Variants in KAZN observed in about 807,000 individuals in gnomAD.
KAZN encodes kazrin, periplakin interacting protein.
Under a neutral mutation model 87.4 loss-of-function variants are expected in KAZN, and 40 were observed. The ratio of observed to expected loss-of-function variants is 0.46; its 90% CI spans 0.36 to 0.60. The LOEUF is 0.60. Among genes scored for constraint, KAZN ranks in the 20% least tolerant of loss-of-function variants. KAZN has a pLI of 0.00. For synonymous variants in KAZN, 466 were observed against 458.3 expected (o/e 1.02, Z -0.22); for missense variants, 898 against 1,073.9 (o/e 0.84, Z 2.29).
At chr1:14,173,501 C>T (rs1319521732) in intron 1 of KAZN, among the ~76,000 whole-genome samples, 2 of 152,160 alleles carry the variant, frequency 1.3e-5, no homozygotes, top group African/African-American at 2.4e-5. Flanking sequence ...TACCAGTCTA[C>T]CAATCCCAAT....
intron 1 of KAZN, among the ~76,000 whole-genome samples, chr1:14,657,705 T>C (rs1260222193): frequency 1.3e-5 from 2 of 152,092 alleles, no homozygotes; most frequent in Non-Finnish European, 2.9e-5. Flanking sequence ...TGAGTTAAGC[T>C]CCTTGAGACA....
intron 2 of KAZN, among the ~76,000 whole-genome samples, chr1:14,524,389 G>A (rs984402574): frequency 6.6e-5 from 10 of 152,034 alleles, no homozygotes; most frequent in Non-Finnish European, 1.2e-4. Flanking sequence ...GGGGTCTGGA[G>A]CCAATGACCC....
intron 2 of KAZN, among the ~76,000 whole-genome samples, chr1:14,998,272 C>T (rs1272660935): frequency 6.6e-6 from 1 of 152,166 alleles, no homozygotes; most frequent in Non-Finnish European, 1.5e-5. Flanking sequence ...TTTGGGAATC[C>T]GCTGCAATAT....
intron 13 of KAZN, among the ~76,000 whole-genome samples, chr1:15,106,292 AAAAC>A (rs1384116174): frequency 6.6e-6 from 1 of 152,178 alleles, no homozygotes. Context: ...ACAAAACAGA[AAAAC>A]AAAACAAAAC....
chr1:14,925,001 G>A (rs936484012), intron 1 of KAZN, among the ~76,000 whole-genome samples: 1 of 152,242 alleles, frequency 6.6e-6, no homozygotes, highest in Non-Finnish European at 1.5e-5. Context: ...CCGCCCCTCC[G>A]AGGCGAAATT....
intron 1 of KAZN, among the ~76,000 whole-genome samples, chr1:14,173,565 A>T (rs1235518120): frequency 1.3e-5 from 2 of 152,208 alleles, no homozygotes; most frequent in African/African-American, 4.8e-5. Flanking sequence ...ATCCGCCGGA[A>T]CTATTGAGAA....
chr1:13,959,050 C>T (rs1042735312), intron 1 of KAZN, among the ~76,000 whole-genome samples: 4 of 152,180 alleles, frequency 2.6e-5, no homozygotes, highest in African/African-American at 9.7e-5. Flanking sequence ...TCACTCCCAC[C>T]ATCATGAATC....
intron 1 of KAZN, among the ~76,000 whole-genome samples, chr1:14,156,831 C>A (rs1190120683): frequency 6.6e-6 from 1 of 150,762 alleles, no homozygotes; most frequent in East Asian, 1.9e-4. Flanking sequence ...AGTCCATTTA[C>A]ATTCCATGCT....
At chr1:14,493,261 A>G (rs12129734) in intron 2 of KAZN, among the ~76,000 whole-genome samples, 28,181 of 152,210 alleles carry the variant, frequency 0.19, 3,029 homozygotes, top group Non-Finnish European at 0.25. Flanking sequence ...AATCCCCAGC[A>G]TGGAAACCAG....
At chr1:14,666,112 G>T (rs1159583920) in intron 1 of KAZN, among the ~76,000 whole-genome samples, 2 of 151,826 alleles carry the variant, frequency 1.3e-5, no homozygotes, top group Non-Finnish European at 2.9e-5. Flanking sequence ...TGACGGAGAG[G>T]GTCTGCCGAA....
At chr1:14,630,890 G>C (rs568959845) in intron 1 of KAZN, among the ~76,000 whole-genome samples, 1 of 152,154 alleles carries the variant, frequency 6.6e-6, no homozygotes, top group African/African-American at 2.4e-5. Flanking sequence ...TTGAAGGGTT[G>C]TTGCAAAGAT....
chr1:14,802,310 A>G (rs922737555), intron 1 of KAZN, among the ~76,000 whole-genome samples: 15 of 152,080 alleles, frequency 9.9e-5, no homozygotes, highest in African/African-American at 3.6e-4. Flanking sequence ...AGGATGAGGC[A>G]AGAGAACTGC....
At chr1:14,209,437 C>T (rs1032139415) in intron 2 of KAZN, among the ~76,000 whole-genome samples, 12 of 152,310 alleles carry the variant, frequency 7.9e-5, no homozygotes, top group Admixed American at 5.9e-4. Context: ...GTAAGTAAAA[C>T]CCTATGCCTT....
intron 1 of KAZN, among the ~76,000 whole-genome samples, chr1:14,600,324 T>A (rs1485048629): frequency 6.6e-6 from 1 of 152,172 alleles, no homozygotes; most frequent in Non-Finnish European, 1.5e-5. Flanking sequence ...AGAGCTTCTC[T>A]TGAGGGTTGA....
At chr1:14,542,874 T>G (rs1055688871) in intron 2 of KAZN, among the ~76,000 whole-genome samples, 1 of 151,472 alleles carries the variant, frequency 6.6e-6, no homozygotes, top group African/African-American at 2.4e-5. Context: ...ACGACTCTAA[T>G]GGGAGCTGCT....
At chr1:14,229,151 A>G (rs537701056) in intron 2 of KAZN, among the ~76,000 whole-genome samples, 1 of 152,352 alleles carries the variant, frequency 6.6e-6, no homozygotes, top group South Asian at 2.1e-4. Context: ...ATAAAATTGC[A>G]CCACGAACGG....
At chr1:13,979,855 C>T (rs991806078) in intron 1 of KAZN, among the ~76,000 whole-genome samples, 2 of 150,840 alleles carry the variant, frequency 1.3e-5, no homozygotes, top group Non-Finnish European at 2.9e-5. Context: ...GGCGTGAACC[C>T]TGGAGGCAGA....
chr1:14,100,571 T>C (rs1469170350), intron 1 of KAZN, among the ~76,000 whole-genome samples: 1 of 152,164 alleles, frequency 6.6e-6, no homozygotes, highest in Non-Finnish European at 1.5e-5. Context: ...CAATGAGCTG[T>C]GACAATATGT....
intron 2 of KAZN, among the ~76,000 whole-genome samples, chr1:14,967,276 T>C (rs185943913): frequency 6.6e-6 from 1 of 152,290 alleles, no homozygotes; most frequent in East Asian, 1.9e-4. Flanking sequence ...GGCTCCTGGA[T>C]GTGCCTATGG....
Sources: allele counts gnomAD v4.1 joint callset (sites outside exome capture counted in the v4.1 genomes callset), GRCh38; gene constraint gnomAD v4.1.1; transcripts MANE v1.5; gene names NCBI Gene and HGNC (gene_info 2026-07-23, HGNC 2026-07-21).